The following THEMIS variants were observed in gnomAD, a reference collection of about 807,000 sequenced individuals.
THEMIS encodes the protein protein THEMIS.
In THEMIS, 37 loss-of-function variants were observed where a neutral mutation model predicts 52.6. The ratio of observed to expected loss-of-function variants is 0.70; its 90% confidence interval spans 0.54 to 0.93. The LOEUF (loss-of-function observed/expected upper bound fraction) is 0.93. Ranked by LOEUF, THEMIS falls within the 40% of genes least tolerant of loss-of-function variation. The pLI is 0.00. For missense variants in THEMIS, 808 were observed against 763.1 expected (o/e 1.06, Z -0.69); for synonymous variants, 292 against 272.7 (o/e 1.07, Z -0.70).
chr6:127,887,581 T>C (rs1466299724), intron 1 of THEMIS, among the ~76,000 whole-genome samples: 1 of 152,034 alleles, frequency 6.6e-6, no homozygotes, highest in Non-Finnish European at 1.5e-5. Context: ...AAACACATAC[T>C]AAGTGAGAGA....
At chr6:127,876,574 C>T (rs1230832413) in intron 1 of THEMIS, among the ~76,000 whole-genome samples, 1 of 152,062 alleles carries the variant, frequency 6.6e-6, no homozygotes, top group Non-Finnish European at 1.5e-5. Flanking sequence ...ATGGTGAAAC[C>T]CACAAATATG....
In THEMIS at chr6:127,813,181, T is replaced by A; in HGVS notation, c.1460A>T (p.Asp487Val). The A allele has an allele frequency of 6.2e-7, 1 of 1,613,586 alleles. No homozygotes were observed. The highest frequency in any genetic ancestry group is 8.5e-7 in the Non-Finnish European group (1 of 1,179,882). The change falls in exon 4 of 6, where the codon GAC becomes GTC. Residue 487 changes from aspartate (D) to valine (V), a missense_variant. Coordinates refer to ENST00000368248, the MANE Select transcript of THEMIS (RefSeq NM_001010923.3). ...AAAGTCACTTATGAGTAGGTAAGAGTCTGTAATGTCCTCCTCCAACTGCAG... is the reference window on the plus strand; with the variant it reads ...AAAGTCACTTATGAGTAGGTAAGAGACTGTAATGTCCTCCTCCAACTGCAG... ...PGLQLEEDIT[D>V]SYLLISDFAN... is the part of the protein sequence containing the mutation.
rs554788612 is a variant in THEMIS at position 127,805,446 on chromosome 6, T to G, written c.1758+7437A>C. ...ATAACGCATGCATGAATCTTTTCTT[T>G]GTCTATGAATTTTTAAAGTATTTAT... On this transcript the variant is annotated intron_variant, in intron 4 of 5. Coordinates refer to ENST00000368248, the MANE Select transcript of THEMIS (RefSeq NM_001010923.3). 2.6e-5 allele frequency among the ~76,000 whole-genome samples: 4 copies of G among 152,226 alleles called. 1 individual carries two copies. The South Asian group carries it at 8.3e-4, about 32-fold the overall frequency.
the THEMIS span, among the ~76,000 whole-genome samples, chr6:127,702,130 T>A: frequency 6.6e-6 from 1 of 152,072 alleles, no homozygotes; most frequent in Non-Finnish European, 1.5e-5. Context: ...CTATAAGAAG[T>A]TTTTTATTCT....
chr6:127,915,113 T>C (rs1244256394), intron 1 of THEMIS, among the ~76,000 whole-genome samples: 4 of 152,180 alleles, frequency 2.6e-5, no homozygotes, highest in Non-Finnish European at 2.9e-5. Context: ...GAAATTTACT[T>C]TTAGAAGAAC....
the THEMIS span, among the ~76,000 whole-genome samples, chr6:127,702,114 G>A: frequency 6.6e-6 from 1 of 151,326 alleles, no homozygotes; most frequent in East Asian, 1.9e-4. Flanking sequence ...CTCTGTTTTT[G>A]TTCATCTATA....
At chr6:127,731,857 C>A (rs1774812453) in intron 4 of THEMIS, among the ~76,000 whole-genome samples, 1 of 51,376 alleles carries the variant, frequency 1.9e-5, no homozygotes, top group Non-Finnish European at 3.4e-5. Context: ...GCCACCATGC[C>A]CGGCTAATTT....
At chr6:127,839,125 G>T (rs1778962676) in intron 2 of THEMIS, among the ~76,000 whole-genome samples, 1 of 151,896 alleles carries the variant, frequency 6.6e-6, no homozygotes, top group Non-Finnish European at 1.5e-5. Flanking sequence ...TAATAATTAT[G>T]ATTATAATAT....
At chr6:127,739,018 A>T (rs1019112556) in intron 4 of THEMIS, among the ~76,000 whole-genome samples, 9 of 152,070 alleles carry the variant, frequency 5.9e-5, no homozygotes, top group African/African-American at 2.2e-4. Context: ...TCCTTTGCTC[A>T]TGGCTGCACC....
At chr6:127,724,699 A>G (rs1343206157) in intron 4 of THEMIS, among the ~76,000 whole-genome samples, 4 of 152,062 alleles carry the variant, frequency 2.6e-5, no homozygotes, top group South Asian at 2.1e-4. Flanking sequence ...AATTATTTTT[A>G]TGTTATTCTT....
At chr6:127,726,849 G>A (rs774103926) in intron 4 of THEMIS, among the ~76,000 whole-genome samples, 1 of 152,108 alleles carries the variant, frequency 6.6e-6, no homozygotes, top group Non-Finnish European at 1.5e-5. Flanking sequence ...CTACTCTAAC[G>A]TTCTGTGAAT....
At chr6:127,730,298 AAAGAAAAGAAAAGAAAAGAG>A (rs1214689581) in intron 4 of THEMIS, among the ~76,000 whole-genome samples, 1 of 147,356 alleles carries the variant, frequency 6.8e-6, no homozygotes, top group African/African-American at 2.6e-5. Context: ...AAAGAAAAGA[AAAGAAAAGAAAAGAAAAGAG>A]AAAAAAAGAA....
intron 1 of THEMIS, among the ~76,000 whole-genome samples, chr6:127,889,090 T>C (rs1057144868): frequency 1.3e-5 from 2 of 152,108 alleles, no homozygotes; most frequent in African/African-American, 4.8e-5. Flanking sequence ...GAGGACATGT[T>C]CTCTGCTAAT....
chr6:127,848,565 T>TGAGATTTATG (rs1779305168), intron 2 of THEMIS, among the ~76,000 whole-genome samples: 1 of 151,172 alleles, frequency 6.6e-6, no homozygotes, highest in East Asian at 2.0e-4. Flanking sequence ...TTCCTATTTC[T>TGAGATTTATG]CCACATCCTC....
chr6:127,703,597 G>T (rs1363966575), downstream of THEMIS, among the ~76,000 whole-genome samples: 1 of 152,066 alleles, frequency 6.6e-6, no homozygotes, highest in African/African-American at 2.4e-5. Flanking sequence ...AGGGACTAGG[G>T]CCCCATAGCT....
the THEMIS span, among the ~76,000 whole-genome samples, chr6:127,701,330 GTTT>G: frequency 6.6e-6 from 1 of 151,744 alleles, no homozygotes; most frequent in Non-Finnish European, 1.5e-5. Flanking sequence ...TATGATTCTG[GTTT>G]TCAAAAAACA....
At chr6:127,858,845 G>A (rs1043939971) in intron 1 of THEMIS, among the ~76,000 whole-genome samples, 1 of 152,216 alleles carries the variant, frequency 6.6e-6, no homozygotes, top group Non-Finnish European at 1.5e-5. Flanking sequence ...AGAGAAAGCT[G>A]GAACAAAGCA....
At chr6:127,896,600 G>A (rs914004125) in intron 1 of THEMIS, among the ~76,000 whole-genome samples, 1 of 151,446 alleles carries the variant, frequency 6.6e-6, no homozygotes, top group Non-Finnish European at 1.5e-5. Flanking sequence ...GAGGACTTTT[G>A]AGGAAGTTGA....
At chr6:127,702,028 T>C in the THEMIS span, among the ~76,000 whole-genome samples, 1 of 152,152 alleles carries the variant, frequency 6.6e-6, no homozygotes, top group Non-Finnish European at 1.5e-5. Flanking sequence ...CGGATTTTTT[T>C]TTCTGGACTT....
Sources: gnomAD v4.1 joint callset for allele counts (sites outside exome capture counted in the v4.1 genomes callset) on GRCh38, gnomAD v4.1.1 for gene constraint, MANE v1.5 for transcripts, NCBI Gene and HGNC (gene_info 2026-07-23, HGNC 2026-07-21) for gene names.